DUSP7: variants seen among roughly 807,000 people sequenced by gnomAD.
DUSP7 encodes dual specificity phosphatase 7.
In DUSP7, 7 loss-of-function variants were observed where a neutral mutation model predicts 29.8. That is an observed-to-expected ratio of 0.24 (90% confidence interval 0.13 to 0.44). The LOEUF (loss-of-function observed/expected upper bound fraction) is 0.44, where lower values mean the gene tolerates loss of function less well. DUSP7 is among the 20% of genes least tolerant of loss of function. The probability of loss-of-function intolerance (pLI) is 1.00; values close to 1 mark genes in which losing one functional copy is unlikely to be tolerated. For missense variants in DUSP7, 400 were observed against 583.7 expected (o/e 0.69, Z 3.24); for synonymous variants, 287 against 275.4 (o/e 1.04, Z -0.42).
At chr3:52,055,206 C>T (rs1163930939) in intron 1 of DUSP7, among the ~76,000 whole-genome samples, 1 of 118,394 alleles carries the variant, frequency 8.4e-6, no homozygotes, top group Non-Finnish European at 1.6e-5. Context: ...TAATTGGAAA[C>T]ACCGGCCTCA....
Position 52,053,846 on chromosome 3 carries a change from G to T in DUSP7, c.952+94C>A. ...CGTAGGGCACACACAGGTCTCAACAGGCCCAGAGGTACCCAGTCAGGCGGG... is the reference window on the plus strand; with the variant it reads ...CGTAGGGCACACACAGGTCTCAACATGCCCAGAGGTACCCAGTCAGGCGGG... On this transcript the variant is annotated intron_variant, in intron 2 of 2. Transcript: ENST00000495880. The surrounding 1 kb of genome is among the most constrained non-coding windows in gnomAD (Gnocchi z 4.6). 1.4e-6 allele frequency: 2 copies of T among 1,414,330 alleles called. No homozygotes were observed. Among genetic ancestry groups the T allele is most frequent in the Non-Finnish European group, 2.0e-6 (2 of 1,011,962 alleles). The allele number at this position is 1,414,330 out of a possible 1,614,324, so 87.6% of individuals were successfully genotyped here. A position where few individuals can be genotyped will look rare whatever the true frequency, so the allele number is the denominator to read the frequency against.
chr3:52,056,031 G>A lies in DUSP7; in HGVS notation c.336C>T (p.Arg112=), dbSNP rs1355084308. 6.3e-7 allele frequency: 1 copy of A among 1,595,940 alleles called. No individual in the cohort carries two copies. The highest frequency in any genetic ancestry group is 1.7e-5 in the Admixed American group (1 of 57,366). The part of the protein sequence containing the change: ...RRLRKGNLPI[R]SIIPNHADKE... ...TGTCGGCGTGGTTGGGGATGATGGA[G>A]CGGATGGGCAGGTTGCCCTTGCGCA... Residue 112 remains arginine, a synonymous_variant, in exon 1 of 3, where the codon CGC becomes CGT. Transcript: ENST00000495880. The surrounding 1 kb of genome is among the most constrained non-coding windows in gnomAD (Gnocchi z 6.4).
chr3:52,054,181 C>T lies in DUSP7; in HGVS notation c.711G>A (p.Val237=). 1.2e-6 allele frequency: 2 copies of T among 1,613,740 alleles called. No homozygotes were observed. The highest frequency in any genetic ancestry group is 1.1e-5 in the South Asian group (1 of 91,030). Reference sequence around the variant, plus strand: ...CAGGGAAGGCTGGTTGGCTGGATGGCACAGGGCTGCCGTCTGACTCGGTGG... The same window carrying T: ...CAGGGAAGGCTGGTTGGCTGGATGGTACAGGGCTGCCGTCTGACTCGGTGG... ...SSATESDGSP[V]PSSQPAFPVQ... Residue 237 remains valine, a synonymous_variant, in exon 2 of 3, where the codon GTG becomes GTA. Coordinates refer to ENST00000495880, the MANE Select transcript of DUSP7 (RefSeq NM_001947.4). The surrounding 1 kb of genome is among the most constrained non-coding windows in gnomAD (Gnocchi z 4.1).
Position 52,050,781 on chromosome 3 carries a change from G to A in DUSP7, c.*34C>T, listed in dbSNP as rs759359108. 1.9e-6 allele frequency: 3 copies of A among 1,590,008 alleles called. No individual in the cohort carries two copies. In the African/African-American group the frequency reaches 4.0e-5, roughly 21 times the overall value. On this transcript the variant is annotated 3_prime_UTR_variant, in exon 3 of 3. Coordinates refer to ENST00000495880, the MANE Select transcript of DUSP7 (RefSeq NM_001947.4). The surrounding 1 kb of genome is among the most constrained non-coding windows in gnomAD (Gnocchi z 5.0). ...ACCTAGCCCTGTGGAGAGCCGAGCAGGGGCCTGGTGCCATGCCCCCCGTGC... is the reference window on the plus strand; with the variant it reads ...ACCTAGCCCTGTGGAGAGCCGAGCAAGGGCCTGGTGCCATGCCCCCCGTGC...
chr3:52,056,411 T>G lies in DUSP7; in HGVS notation c.-45A>C, dbSNP rs1007309328. 156 of 969,222 alleles carry G rather than the reference T, an allele frequency of 1.6e-4. No homozygotes were observed. The highest frequency in any genetic ancestry group is 2.4e-4 in the Admixed American group (4 of 16,448). 60.0% of individuals were successfully genotyped at this position (969,222 alleles called of 1,614,324 possible). ...GGGCCGGGGCCGGGCAGCCCTGCCC[T>G]GGGACGGCGCCCCGGCCGCGCGGGC... On this transcript the variant is annotated 5_prime_UTR_variant, in exon 1 of 3. Transcript: ENST00000495880. The surrounding 1 kb of genome is among the most constrained non-coding windows in gnomAD (Gnocchi z 6.4).
At chr3:52,052,741 G>GGA (rs1701858745) in intron 2 of DUSP7, 1 of 152,260 alleles carries the variant, frequency 6.6e-6, no homozygotes, top group South Asian at 2.1e-4. Context: ...CAGACGGGGA[G>GGA]GAGCTTTCAG....
At chr3:52,055,802 G>A (rs1701894877) in intron 1 of DUSP7, 48 bp downstream of exon 1, 1 of 1,478,952 alleles carries the variant, frequency 6.8e-7, no homozygotes, top group African/African-American at 1.4e-5. Flanking sequence ...GCGTCAGGGA[G>A]TCGCGGGGGG....
At chr3:52,055,786 A>T in intron 1 of DUSP7, 64 bp downstream of exon 1, 1 of 1,458,236 alleles carries the variant, frequency 6.9e-7, no homozygotes, top group East Asian at 2.4e-5. Flanking sequence ...AGCGCCTCCA[A>T]GGGGGGCGTC....
Position 52,055,982 on chromosome 3 carries a change from T to G in DUSP7, c.385A>C (p.Lys129Gln), listed in dbSNP as rs1016655124. Residue 129 changes from lysine (K) to glutamine (Q), a missense_variant, in exon 1 of 3, where the codon AAG becomes CAG. This residue lies in a region of DUSP7 where 223 missense variants were observed against 360.9 expected (regional missense o/e 0.62). Transcript: ENST00000495880. ...TCGTAGAGCAGCACGGTGGCCGCCT[T>G]GCAGCGCGTGGCGAAGCGCTCCTTG... ...ADKERFATRC[K>Q]AATVLLYDEA... is the part of the protein sequence containing the mutation. The G allele has an allele frequency of 1.3e-6, 2 of 1,579,554 alleles. No homozygotes were observed. Among genetic ancestry groups the G allele is most frequent in the Non-Finnish European group, 1.7e-6 (2 of 1,163,564 alleles).
intron 1 of DUSP7, 136 bp downstream of exon 1, chr3:52,055,714 G>A (rs1701894092): frequency 6.3e-6 from 7 of 1,102,904 alleles, no homozygotes; most frequent in Admixed American, 3.0e-5. Context: ...GCTCCAGGAG[G>A]GCGGATGCGG....
chr3:52,056,260 C>A lies in DUSP7; in HGVS notation c.107G>T (p.Gly36Val), dbSNP rs538765819. ...GCCCGCCCCGGTGCCTGCGCCGGAC[C>A]CCGACCCCGCACCGGGCTCGGACCC... ...RAGSEPGAGS[G>V]SGAGTGAGAA... The change falls in exon 1 of 3, where the codon GGG becomes GTG. Residue 36 changes from glycine to valine, a missense_variant. Physicochemically the swap from Gly to Val is moderately radical, Grantham distance 109. Around this residue, in one of 4 missense-constraint regions of DUSP7, gnomAD observed 96 missense variants for 97.1 expected, o/e 0.99. Transcript: ENST00000495880. The surrounding 1 kb of genome is among the most constrained non-coding windows in gnomAD (Gnocchi z 6.4). The A allele has an allele frequency of 1.5e-3, 2,025 of 1,340,208 alleles. 26 individuals carry two copies. In the African/African-American group the frequency reaches 0.027, roughly 18 times the overall value. 83.0% of individuals were successfully genotyped at this position (1,340,208 alleles called of 1,614,324 possible).
rs1701881617 is a variant in DUSP7, at chr3:52,054,712, C to G, written c.518-338G>C. On this transcript the variant is annotated intron_variant, in intron 1 of 2. Transcript: ENST00000495880. This position sits in a 1 kb window ranked among gnomAD's most constrained non-coding sequence, Gnocchi z 4.1. ...TAATTCCTCTTCTGCAGCTCCCACG[C>G]ACACCTAGCACCCATGGGTGTTCAG... Among the ~76,000 whole-genome samples the G allele has an allele frequency of 6.6e-6, 1 of 152,208 alleles. No homozygotes were observed. The highest frequency in any genetic ancestry group is 1.5e-5 in the Non-Finnish European group (1 of 68,042).
chr3:52,052,167 G>A (rs1701854294), intron 2 of DUSP7: 1 of 152,236 alleles, frequency 6.6e-6, no homozygotes, highest in Non-Finnish European at 1.5e-5. Flanking sequence ...CTGTGCCAGG[G>A]ACATAGATTC....
In DUSP7 at chr3:52,054,486, G is replaced by A. The variant is rs992093057; in HGVS notation, c.518-112C>T. 2.4e-6 allele frequency: 2 copies of A among 839,024 alleles called. No homozygotes were observed. The highest frequency in any genetic ancestry group is 3.6e-6 in the Non-Finnish European group (2 of 551,030). The allele number at this position is 839,024 out of a possible 1,614,324, so 52.0% of individuals were successfully genotyped here. On this transcript the variant is annotated intron_variant, in intron 1 of 2. Coordinates refer to ENST00000495880, the MANE Select transcript of DUSP7 (RefSeq NM_001947.4). This position sits in a 1 kb window ranked among gnomAD's most constrained non-coding sequence, Gnocchi z 4.1. ...CACGCCAAACACCACAGCACCCACG[G>A]TCAGCATGGGCCATGCCAAGCATGT...
At chr3:52,052,952 T>G (rs556909116) in intron 2 of DUSP7, 35 of 154,358 alleles carry the variant, frequency 2.3e-4, no homozygotes, top group African/African-American at 7.9e-4. Context: ...CCTTCCTTCC[T>G]CCCAGCCAGG....
chr3:52,056,076 C>G lies in DUSP7; in HGVS notation c.291G>C (p.Pro97=). The change falls in exon 1 of 3, where the codon CCG becomes CCC. Residue 97 remains proline (P), a synonymous_variant. Coordinates refer to ENST00000495880, the MANE Select transcript of DUSP7 (RefSeq NM_001947.4). The surrounding 1 kb of genome is among the most constrained non-coding windows in gnomAD (Gnocchi z 6.4). ...HIETAINLAI[P]GLMLRRLRKG... is the part of the protein sequence containing the mutation. Reference sequence around the variant, plus strand: ...TGCGCAGGCGGCGCAACATGAGGCCCGGGATGGCCAGGTTGATGGCCGTCT... The same window carrying G: ...TGCGCAGGCGGCGCAACATGAGGCCGGGGATGGCCAGGTTGATGGCCGTCT... The G allele has an allele frequency of 6.2e-7, 1 of 1,606,332 alleles. No individual in the cohort carries two copies. The highest frequency in any genetic ancestry group is 8.5e-7 in the Non-Finnish European group (1 of 1,177,268).
chr3:52,055,941 C>T lies in DUSP7; in HGVS notation c.426G>A (p.Glu142=). 1 of 1,565,464 alleles carries T rather than the reference C, an allele frequency of 6.4e-7. No homozygotes were observed. Among genetic ancestry groups the T allele is most frequent in the Non-Finnish European group, 8.6e-7 (1 of 1,157,014 alleles). The change falls in exon 1 of 3, where the codon GAG becomes GAA. Residue 142 remains glutamate, a synonymous_variant. Coordinates refer to ENST00000495880, the MANE Select transcript of DUSP7 (RefSeq NM_001947.4). ...CGGGAGCGCCGGGCTCGGGCTGCCACTCGGCCGTGGCCTCGTCGTAGAGCA... is the reference window on the plus strand; with the variant it reads ...CGGGAGCGCCGGGCTCGGGCTGCCATTCGGCCGTGGCCTCGTCGTAGAGCA... ...TVLLYDEATA[E]WQPEPGAPAS...
chr3:52,050,225 T>C lies in DUSP7; in HGVS notation c.*590A>G, dbSNP rs1470284469. ...TCAAGGTCAACATGGCGTCTGTCTT[T>C]TCCATTAAAAAACAAAAACAAAAAC... On this transcript the variant is annotated 3_prime_UTR_variant, in exon 3 of 3. Transcript: ENST00000495880. The surrounding 1 kb of genome is among the most constrained non-coding windows in gnomAD (Gnocchi z 5.0). The C allele has an allele frequency of 5.9e-5, 9 of 152,166 alleles. No individual in the cohort carries two copies. Among genetic ancestry groups the C allele is most frequent in the Admixed American group, 5.9e-4 (9 of 15,282 alleles). 9.4% of individuals were successfully genotyped at this position (152,166 alleles called of 1,614,324 possible).
chr3:52,055,102 T>C (rs1701885094), intron 1 of DUSP7, among the ~76,000 whole-genome samples: 1 of 152,222 alleles, frequency 6.6e-6, no homozygotes, highest in African/African-American at 2.4e-5. Flanking sequence ...GGGAGCCCCT[T>C]GCAGCGAGGC....
Sources: allele counts gnomAD v4.1 joint callset (sites outside exome capture counted in the v4.1 genomes callset), GRCh38; gene constraint gnomAD v4.1.1; regional missense constraint gnomAD v4.1.1; non-coding constraint Gnocchi (gnomAD v3.1); transcripts MANE v1.5; gene names NCBI Gene and HGNC (gene_info 2026-07-23, HGNC 2026-07-21).